Variants in KCNQ1 observed in about 807,000 individuals in gnomAD.
KCNQ1 encodes potassium voltage-gated channel subfamily KQT member 1.
A neutral mutation model predicts 72.4 loss-of-function variants in KCNQ1; 49 were observed. The observed-to-expected ratio is 0.68, with a 90% CI of 0.54 to 0.86. KCNQ1 has a LOEUF of 0.86. Ranked by LOEUF, KCNQ1 falls within the 40% of genes least tolerant of loss-of-function variation. The pLI is 0.00. For missense variants in KCNQ1, 790 were observed against 945.1 expected, an observed-to-expected ratio of 0.84 and a Z score of 2.15; for synonymous variants, 450 against 412.6, an observed-to-expected ratio of 1.09 and a Z score of -1.10.
At chr11:2,730,369 A>G (rs1435098948) in intron 11 of KCNQ1, among the ~76,000 whole-genome samples, 1 of 152,220 alleles carries the variant, frequency 6.6e-6, no homozygotes, top group Non-Finnish European at 1.5e-5. Flanking sequence ...GATGTCCGAC[A>G]TGGGCTACAT....
At chr11:2,634,477 C>T (rs1363264630) in intron 10 of KCNQ1, 1 of 155,738 alleles carries the variant, frequency 6.4e-6, no homozygotes, top group Non-Finnish European at 1.4e-5. Context: ...TGGTTTCCAG[C>T]TTCATCCATG....
At position 2,750,199 on chromosome 11, in the gene KCNQ1, T is replaced by C. The variant is rs231894; in HGVS notation, c.1515-18645T>C. Among the ~76,000 whole-genome samples the C allele has an allele frequency of 0.21, 31,953 of 152,046 alleles. 3,549 individuals are homozygous for C. Among genetic ancestry groups the C allele is most frequent in the Admixed American group, 0.3 (4,552 of 15,260 alleles). ...CCAGGGGCAGCAGGGGCTGGATCTC[T>C]GGGGAAGTTGAGGAATGACATGTAT... On this transcript the variant is annotated intron_variant, in intron 11 of 15. Coordinates refer to ENST00000155840, the MANE Select transcript of KCNQ1 (RefSeq NM_000218.3). The surrounding 1 kb of genome is among the most constrained non-coding windows in gnomAD (Gnocchi z 6.3).
In KCNQ1 at chr11:2,507,844, GC is replaced by G. The variant is rs1403807856; in HGVS notation, c.387-20083del. Reference sequence around the variant, plus strand: ...GCTGTGGAGGCTGAGGGCAAGGAAGGCAAGTCCGGGAGGTTGGGTGTCCTGC... The same window carrying G: ...GCTGTGGAGGCTGAGGGCAAGGAAGGAAGTCCGGGAGGTTGGGTGTCCTGC... On this transcript the variant is annotated intron_variant, in intron 1 of 15. Transcript: ENST00000155840. The surrounding 1 kb of genome is among the most constrained non-coding windows in gnomAD (Gnocchi z 5.4). Among the ~76,000 whole-genome samples the G allele has an allele frequency of 6.6e-6, 1 of 152,182 alleles. No individual in the cohort carries two copies. The highest frequency in any genetic ancestry group is 6.5e-5 in the Admixed American group (1 of 15,286).
In KCNQ1 at chr11:2,734,647, T is replaced by C. The variant is rs1845923644; in HGVS notation, c.1515-34197T>C. Among the ~76,000 whole-genome samples, 1 of 151,700 alleles carries C rather than the reference T, an allele frequency of 6.6e-6. No individual in the cohort carries two copies. The highest frequency in any genetic ancestry group is 1.5e-5 in the Non-Finnish European group (1 of 67,918). ...AAGGACTGGAGAGTAGGAGCAGGTC[T>C]CGGGGGTAGCTTCCTGAAGAGATGA... On this transcript the variant is annotated intron_variant, in intron 11 of 15. Coordinates refer to ENST00000155840, the MANE Select transcript of KCNQ1 (RefSeq NM_000218.3). The surrounding 1 kb of genome is among the most constrained non-coding windows in gnomAD (Gnocchi z 7.0).
At position 2,816,707 on chromosome 11, in the gene KCNQ1, C is replaced by A. The variant is rs890289215; in HGVS notation, c.1795-31060C>A. Among the ~76,000 whole-genome samples the A allele has an allele frequency of 1.3e-5, 2 of 152,116 alleles. No homozygotes were observed. Among genetic ancestry groups the A allele is most frequent in the Admixed American group, 1.3e-4 (2 of 15,278 alleles). The stretch of plus-strand genomic sequence containing the variant: ...TGCTCCTGGAACATTCTGGCTCACT[C>A]CCGCCTCAGGCCCACTGCCCTGGCT... On this transcript the variant is annotated intron_variant, in intron 15 of 15. Transcript: ENST00000155840. This position sits in a 1 kb window ranked among gnomAD's most constrained non-coding sequence, Gnocchi z 6.8.
intron 10 of KCNQ1, chr11:2,641,694 A>G (rs1849579554): frequency 7.5e-6 from 3 of 398,382 alleles, no homozygotes; most frequent in East Asian, 7.1e-5. Flanking sequence ...GGTCTTATCC[A>G]TAAAATCTTT....
In KCNQ1 at chr11:2,471,914, A is replaced by G. The variant is rs901716405; in HGVS notation, c.386+26430A>G. On this transcript the variant is annotated intron_variant, in intron 1 of 15. Transcript: ENST00000155840. The surrounding 1 kb of genome is among the most constrained non-coding windows in gnomAD (Gnocchi z 4.8). The stretch of plus-strand genomic sequence containing the variant: ...TATAGGTGTGTGTATGCGTGCACCT[A>G]TGTGTGTATAGGCGTGTATGTGTGC... Among the ~76,000 whole-genome samples the G allele has an allele frequency of 3.5e-5, 5 of 144,682 alleles. No homozygotes were observed. Among genetic ancestry groups the G allele is most frequent in the Non-Finnish European group, 6.0e-5 (4 of 66,354 alleles). The allele number at this position is 144,682 out of a possible 152,430, so 94.9% of individuals were successfully genotyped here.
rs1179039774 is a variant in KCNQ1 at position 2,471,383 on chromosome 11, C to T, written c.386+25899C>T. On this transcript the variant is annotated intron_variant, in intron 1 of 15. Coordinates refer to ENST00000155840, the MANE Select transcript of KCNQ1 (RefSeq NM_000218.3). The surrounding 1 kb of genome is among the most constrained non-coding windows in gnomAD (Gnocchi z 4.8). The stretch of plus-strand genomic sequence containing the variant: ...GCACCCCCAACCCTGACCCAAGTGT[C>T]CTTCACGCTCAGCAACGCCACAGCC... 6.6e-6 allele frequency among the ~76,000 whole-genome samples: 1 copy of T among 152,198 alleles called. No individual in the cohort carries two copies. Among genetic ancestry groups the T allele is most frequent in the Non-Finnish European group, 1.5e-5 (1 of 68,032 alleles).
intron 1 of KCNQ1, among the ~76,000 whole-genome samples, chr11:2,511,928 G>A (rs1847213155): frequency 6.6e-6 from 1 of 152,224 alleles, no homozygotes; most frequent in Non-Finnish European, 1.5e-5. Context: ...GAGGGCACAG[G>A]TCAGAGCGGG....
At chr11:2,542,897 G>C (rs1014023248) in intron 2 of KCNQ1, among the ~76,000 whole-genome samples, 2 of 152,162 alleles carry the variant, frequency 1.3e-5, no homozygotes, top group African/African-American at 4.8e-5. Context: ...TTTCTGCATG[G>C]GTAAATACCT....
intron 15 of KCNQ1, among the ~76,000 whole-genome samples, chr11:2,788,267 TC>T (rs1846950460): frequency 6.6e-6 from 1 of 151,702 alleles, no homozygotes; most frequent in African/African-American, 2.4e-5. Flanking sequence ...GACCCACGCC[TC>T]CCCGAGGTCC....
At chr11:2,719,549 A>G (rs1851168945) in intron 11 of KCNQ1, among the ~76,000 whole-genome samples, 1 of 152,002 alleles carries the variant, frequency 6.6e-6, no homozygotes, top group African/African-American at 2.4e-5. Flanking sequence ...CAGAGTTCAG[A>G]GAACACAGAT....
chr11:2,585,279 A>G lies in KCNQ1; in HGVS notation c.1100A>G (p.Gln367Arg), dbSNP rs2133754743. Residue 367 changes from glutamine (Q) to arginine (R), a missense_variant, in exon 8 of 16, where the codon CAG becomes CGG. This residue lies in a region of KCNQ1 where 133 missense variants were observed against 219.5 expected (regional missense o/e 0.61). Transcript: ENST00000155840. ...CAGAGGCAGAAGCACTTCAACCGGC[A>G]GATCCCGGCGGCAGCCTCACTCATT... ...QKQRQKHFNR[Q>R]IPAAASLIQT... 6.2e-7 allele frequency: 1 copy of G among 1,614,034 alleles called. No homozygotes were observed. Among genetic ancestry groups the G allele is most frequent in the Non-Finnish European group, 8.5e-7 (1 of 1,180,008 alleles).
chr11:2,789,869 C>T (rs1345689218), intron 15 of KCNQ1, among the ~76,000 whole-genome samples: 1 of 152,218 alleles, frequency 6.6e-6, no homozygotes, highest in Non-Finnish European at 1.5e-5. Context: ...CAAGGTCCCA[C>T]CTTGGTCCTC....
chr11:2,765,375 T>G (rs1846478315), intron 11 of KCNQ1, among the ~76,000 whole-genome samples: 1 of 152,262 alleles, frequency 6.6e-6, no homozygotes, highest in Non-Finnish European at 1.5e-5. Context: ...ATGATTTGCC[T>G]GCTTTGAAAT....
intron 15 of KCNQ1, among the ~76,000 whole-genome samples, chr11:2,801,714 C>T (rs1016335638): frequency 1.7e-4 from 26 of 152,234 alleles, no homozygotes; most frequent in African/African-American, 5.3e-4. Flanking sequence ...ACAAGTCCTC[C>T]GTCGGGCCAC....
At position 2,642,023 on chromosome 11, in the gene KCNQ1, C is replaced by T. The variant is rs992474821; in HGVS notation, c.1394-19938C>T. 2.5e-6 allele frequency: 1 copy of T among 398,166 alleles called. No individual in the cohort carries two copies. The highest frequency in any genetic ancestry group is 4.4e-6 in the Non-Finnish European group (1 of 225,894). 24.7% of individuals were successfully genotyped at this position (398,166 alleles called of 1,614,324 possible). ...TTCCAATACCATGCTGCTTTTAATG[C>T]TATAGCCTTATATTTTTAAATCAGG... is the stretch of plus-strand genomic sequence containing the variant. On this transcript the variant is annotated intron_variant, in intron 10 of 15. Coordinates refer to ENST00000155840, the MANE Select transcript of KCNQ1 (RefSeq NM_000218.3). This position sits in a 1 kb window ranked among gnomAD's most constrained non-coding sequence, Gnocchi z 4.3.
chr11:2,523,976 G>T (rs2133641661), intron 1 of KCNQ1, among the ~76,000 whole-genome samples: 1 of 152,180 alleles, frequency 6.6e-6, no homozygotes, highest in Middle Eastern at 3.4e-3. Context: ...TCGCTTGGCT[G>T]AACGGTGGCC....
intron 6 of KCNQ1, among the ~76,000 whole-genome samples, chr11:2,575,033 A>T (rs1254166459): frequency 6.6e-6 from 1 of 152,108 alleles, no homozygotes; most frequent in Non-Finnish European, 1.5e-5. Context: ...GGCAGTGAGG[A>T]GCTGGCGGTG....
Sources: allele counts gnomAD v4.1 joint callset (sites outside exome capture counted in the v4.1 genomes callset), GRCh38; gene constraint gnomAD v4.1.1; regional missense constraint gnomAD v4.1.1; non-coding constraint Gnocchi (gnomAD v3.1); transcripts MANE v1.5; gene names NCBI Gene and HGNC (gene_info 2026-07-23, HGNC 2026-07-21).